UNC45B: variants seen among roughly 807,000 people sequenced by gnomAD.
The protein encoded by UNC45B is protein unc-45 homolog B.
UNC45B carries 78 observed loss-of-function variants against 98.7 expected under a neutral mutation model. The ratio of observed to expected loss-of-function variants is 0.79; its 90% CI spans 0.66 to 0.95. The LOEUF is 0.95. Among genes scored for constraint, UNC45B ranks in the 40% least tolerant of loss-of-function variants. The pLI is 0.00. For synonymous variants in UNC45B, 462 were observed against 480.4 expected (o/e 0.96, Z 0.50); for missense variants, 1,225 against 1,184.9 (o/e 1.03, Z -0.50).
At chr17:35,183,067 C>T (rs2092283249) in intron 18 of UNC45B, among the ~76,000 whole-genome samples, 1 of 151,700 alleles carries the variant, frequency 6.6e-6, no homozygotes, top group African/African-American at 2.4e-5. Context: ...CCTGAAGGCC[C>T]ATCCATTATG....
rs181667986 is a variant in UNC45B at position 35,188,727 on chromosome 17, T to C, written c.*2168T>C. 4.6e-5 allele frequency: 7 copies of C among 152,280 alleles called. No individual in the cohort carries two copies. Among genetic ancestry groups the C allele is most frequent in the African/African-American group, 9.6e-5 (4 of 41,544 alleles). 9.4% of individuals were successfully genotyped at this position (152,280 alleles called of 1,614,324 possible). A position where few individuals can be genotyped will look rare whatever the true frequency, so the allele number is the denominator to read the frequency against. On this transcript the variant is annotated 3_prime_UTR_variant, in exon 20 of 20. Transcript: ENST00000394570. ...TTCTTTAACATGAATATTTTGTAAA[T>C]AGTCCAAGAAGATCTAGAGGAAAGC... is the stretch of plus-strand genomic sequence containing the variant.
intron 18 of UNC45B, among the ~76,000 whole-genome samples, chr17:35,182,300 A>G (rs371816099): frequency 1.3e-5 from 2 of 152,134 alleles, no homozygotes; most frequent in African/African-American, 2.4e-5. Flanking sequence ...CATGTTAGCT[A>G]GGATGGTCTT....
intron 17 of UNC45B, 35 bp downstream of exon 17, chr17:35,177,645 G>A: frequency 3.4e-6 from 5 of 1,478,614 alleles, no homozygotes; most frequent in Non-Finnish European, 4.6e-6. Context: ...GTGGAGAGAG[G>A]TGGCTCAAAA....
At chr17:35,174,849 AAG>A (rs149375100) in intron 14 of UNC45B, among the ~76,000 whole-genome samples, 11 of 148,336 alleles carry the variant, frequency 7.4e-5, no homozygotes, top group Non-Finnish European at 6.0e-5. Flanking sequence ...GAAAGAGAGA[AAG>A]AGAGAGAGAG....
rs1307418863 is a variant in UNC45B, at chr17:35,177,127, G to T, written c.2136G>T (p.Glu712Asp). 1 of 1,614,016 alleles carries T rather than the reference G, an allele frequency of 6.2e-7. No individual in the cohort carries two copies. Among genetic ancestry groups the T allele is most frequent in the African/African-American group, 1.3e-5 (1 of 75,024 alleles). Residue 712 changes from glutamate to aspartate, a missense_variant, in exon 16 of 20, where the codon GAG becomes GAT. Coordinates refer to ENST00000394570, the MANE Select transcript of UNC45B (RefSeq NM_001267052.2). ...ATCCGGACATTGCTTTTCCTGGGGA[G>T]CGGGTAGGTGCTTGGGTAGATGGGA... ...VSNPDIAFPG[E>D]RVYEVVRPLV...
Position 35,186,984 on chromosome 17 carries a change from G to C in UNC45B, c.*425G>C, listed in dbSNP as rs906404208. 18 of 189,514 alleles carry C rather than the reference G, an allele frequency of 9.5e-5. No individual in the cohort carries two copies. The highest frequency in any genetic ancestry group is 4.0e-4 in the African/African-American group (17 of 42,416). The allele number at this position is 189,514 out of a possible 1,614,324, so 11.7% of individuals were successfully genotyped here. On this transcript the variant is annotated 3_prime_UTR_variant, in exon 20 of 20. Transcript: ENST00000394570. ...TTGTATTTGGATGCTGATCTGTGCT[G>C]TTTTCATGACCTCTCTCCCACACTA...
intron 19 of UNC45B, among the ~76,000 whole-genome samples, chr17:35,184,933 A>G (rs2092294657): frequency 6.6e-6 from 1 of 152,120 alleles, no homozygotes; most frequent in Non-Finnish European, 1.5e-5. Flanking sequence ...GCCCTGGGCT[A>G]TGCTTCCTGC....
In UNC45B at chr17:35,180,679, G is replaced by T; in HGVS notation, c.2373+3G>T. ...GCAACATGGTGCTCCACAAGGAGGT[G>T]AGGCAGGGGCTCAGGATGGAGACCC... On this transcript the variant is annotated splice_donor_region_variant and intron_variant, in intron 18 of 19. Coordinates refer to ENST00000394570, the MANE Select transcript of UNC45B (RefSeq NM_001267052.2). 1 of 1,612,128 alleles carries T rather than the reference G, an allele frequency of 6.2e-7. No homozygotes were observed. The highest frequency in any genetic ancestry group is 8.5e-7 in the Non-Finnish European group (1 of 1,179,018).
In UNC45B at chr17:35,177,501, G is replaced by A; in HGVS notation, c.2146G>A (p.Glu716Lys). 5 of 1,560,046 alleles carry A rather than the reference G, an allele frequency of 3.2e-6. No individual in the cohort carries two copies. Among genetic ancestry groups the A allele is most frequent in the Non-Finnish European group, 4.3e-6 (5 of 1,151,314 alleles). ...DIAFPGERVY[E>K]VVRPLVRLLD... Reference sequence around the variant, plus strand: ...CTTGACCCCTCCCCAACAGGTGTATGAGGTGGTGCGGCCCCTTGTAAGACT... The same window carrying A: ...CTTGACCCCTCCCCAACAGGTGTATAAGGTGGTGCGGCCCCTTGTAAGACT... Residue 716 changes from glutamate (E) to lysine (K), a missense_variant, in exon 17 of 20, where the codon GAG (glutamate) becomes AAG (lysine). Glu to Lys is a moderately conservative substitution (Grantham distance 56). Coordinates refer to ENST00000394570, the MANE Select transcript of UNC45B (RefSeq NM_001267052.2).
intron 13 of UNC45B, 74 bp downstream of exon 13, chr17:35,171,536 G>T: frequency 1.9e-6 from 3 of 1,562,346 alleles, no homozygotes; most frequent in Non-Finnish European, 2.6e-6. Flanking sequence ...ACGGCAAAAG[G>T]AGTGGTGTCA....
At chr17:35,156,128 A>G (rs2092059476) in intron 7 of UNC45B, among the ~76,000 whole-genome samples, 1 of 152,248 alleles carries the variant, frequency 6.6e-6, no homozygotes, top group Non-Finnish European at 1.5e-5. Flanking sequence ...ATCCACTCAT[A>G]TGAGATACTT....
At chr17:35,158,372 T>C (rs2092078475) in intron 7 of UNC45B, among the ~76,000 whole-genome samples, 1 of 152,176 alleles carries the variant, frequency 6.6e-6, no homozygotes, top group African/African-American at 2.4e-5. Context: ...TGGGTTTCTA[T>C]AGAACATGGT....
rs536707896 is a variant in UNC45B at position 35,174,208 on chromosome 17, A to G, written c.1831-34A>G. The G allele has an allele frequency of 3.7e-6, 6 of 1,613,602 alleles. No individual in the cohort carries two copies. In the East Asian group the frequency reaches 1.3e-4, roughly 36 times the overall value. On this transcript the variant is annotated intron_variant, in intron 13 of 19. Coordinates refer to ENST00000394570, the MANE Select transcript of UNC45B (RefSeq NM_001267052.2). Reference sequence around the variant, plus strand: ...AATACCGATTGGCCTGGCACCCAGGACCCTCCCACATTGCCATCTTTTCAT... The same window carrying G: ...AATACCGATTGGCCTGGCACCCAGGGCCCTCCCACATTGCCATCTTTTCAT...
intron 3 of UNC45B, 109 bp from the exon 4 acceptor site, chr17:35,149,939 G>A: frequency 8.4e-7 from 1 of 1,196,240 alleles, no homozygotes; most frequent in Non-Finnish European, 1.1e-6. Flanking sequence ...TAATCTCCAA[G>A]GAAGACACAG....
chr17:35,151,166 C>A (rs4796042), intron 4 of UNC45B: 1 of 283,956 alleles, frequency 3.5e-6, no homozygotes, highest in Non-Finnish European at 6.8e-6. Flanking sequence ...TGTTCACTCG[C>A]CATTACTGAG....
In UNC45B at chr17:35,159,495, A is replaced by G. The variant is rs974896733; in HGVS notation, c.929A>G (p.Lys310Arg). The change falls in exon 8 of 20, where the codon AAG becomes AGG. Residue 310 changes from lysine to arginine, a missense_variant. Transcript: ENST00000394570. ...LNLLNKNVPR[K>R]DLAIHDNSRT... ...CTGCTCAATAAGAATGTTCCCAGGA[A>G]GGACCTTGCCATTCATGACAACTCA... The G allele has an allele frequency of 6.2e-7, 1 of 1,614,062 alleles. No individual in the cohort carries two copies. The highest frequency in any genetic ancestry group is 1.3e-5 in the African/African-American group (1 of 74,930).
intron 18 of UNC45B, among the ~76,000 whole-genome samples, chr17:35,182,083 G>A (rs1439131300): frequency 6.6e-6 from 1 of 150,448 alleles, no homozygotes; most frequent in Admixed American, 6.6e-5. Flanking sequence ...TTTGGATTGG[G>A]TGGCTCACTT....
rs773824366 is a variant in UNC45B, at chr17:35,183,596, C to A, written c.2529+14C>A. On this transcript the variant is annotated intron_variant, in intron 19 of 19. Coordinates refer to ENST00000394570, the MANE Select transcript of UNC45B (RefSeq NM_001267052.2). The stretch of plus-strand genomic sequence containing the variant: ...ATGACTCAAGTGGTAAGAGCTGGCC[C>A]TGGGGATAGGACGGGCTGGGTGGCT... The A allele has an allele frequency of 6.6e-7, 1 of 1,520,262 alleles. No individual in the cohort carries two copies. The highest frequency in any genetic ancestry group is 2.4e-5 in the East Asian group (1 of 41,616). The allele number at this position is 1,520,262 out of a possible 1,614,324, so 94.2% of individuals were successfully genotyped here.
chr17:35,152,273 G>A (rs1404951726), intron 4 of UNC45B, among the ~76,000 whole-genome samples: 3 of 152,022 alleles, frequency 2.0e-5, no homozygotes, highest in African/African-American at 4.8e-5. Flanking sequence ...ATTAAAAAAT[G>A]TGCTCAGAAG....
Sources: allele counts gnomAD v4.1 joint callset (sites outside exome capture counted in the v4.1 genomes callset), GRCh38; gene constraint gnomAD v4.1.1; transcripts MANE v1.5; gene names NCBI Gene and HGNC (gene_info 2026-07-23, HGNC 2026-07-21).